Variants in ZFYVE28 observed in about 807,000 individuals in gnomAD.
ZFYVE28 encodes zinc finger FYVE-type containing 28, also known as lateral signaling target protein 2 homolog.
Under a neutral mutation model 82.1 loss-of-function variants are expected in ZFYVE28, and 40 were observed. The ratio of observed to expected loss-of-function variants is 0.49; its 90% confidence interval spans 0.38 to 0.63. The LOEUF is 0.63. Ranked by LOEUF, ZFYVE28 falls within the 30% of genes least tolerant of loss-of-function variation. The pLI is 0.00. For synonymous variants in ZFYVE28, 612 were observed against 546.1 expected, an observed-to-expected ratio of 1.12 and a Z score of -1.68; for missense variants, 1,321 against 1,242.1, an observed-to-expected ratio of 1.06 and a Z score of -0.96.
At chr4:2,325,592 C>CTTTTTT (rs58460729) in intron 6 of ZFYVE28, among the ~76,000 whole-genome samples, 33 of 122,190 alleles carry the variant, frequency 2.7e-4, no homozygotes, top group South Asian at 7.8e-4. Context: ...TTAAATCTTA[C>CTTTTTT]TTTTTTTTTT....
At position 2,304,508 on chromosome 4, in the gene ZFYVE28, T is replaced by C. The variant is rs766705868; in HGVS notation, c.1832A>G (p.Glu611Gly). 4.3e-6 allele frequency: 7 copies of C among 1,612,576 alleles called. No homozygotes were observed. The highest frequency in any genetic ancestry group is 4.2e-6 in the Non-Finnish European group (5 of 1,179,564). Residue 611 changes from glutamate to glycine, a missense_variant, in exon 8 of 13, where the codon GAG becomes GGG. This residue lies in a region of ZFYVE28 where 978 missense variants were observed against 833.7 expected (regional missense o/e 1.17). Transcript: ENST00000290974. ...ATCTTCTGAGGGTGGGGGCGCCTCCTCCTGTCTCTCAGGGGCCCTGTCGCT... is the reference window on the plus strand; with the variant it reads ...ATCTTCTGAGGGTGGGGGCGCCTCCCCCTGTCTCTCAGGGGCCCTGTCGCT... The part of the protein sequence containing the change: ...KASDRAPERQ[E>G]EAPPPSEDAS...
intron 6 of ZFYVE28, among the ~76,000 whole-genome samples, chr4:2,328,351 T>C (rs1365672233): frequency 6.6e-6 from 1 of 152,156 alleles, no homozygotes; most frequent in Non-Finnish European, 1.5e-5. Flanking sequence ...TCTCAAACAA[T>C]TGAACTTATA....
Position 2,396,961 on chromosome 4 carries a change from T to A in ZFYVE28, c.39+21324A>T, listed in dbSNP as rs543798686. On this transcript the variant is annotated intron_variant, in intron 1 of 12. Coordinates refer to ENST00000290974, the MANE Select transcript of ZFYVE28 (RefSeq NM_020972.3). ...GCTTCAACGATCACTCTGGCTGCTG[T>A]GCCGAGAACAGCCGGGTGGGGCAGG... Among the ~76,000 whole-genome samples the A allele has an allele frequency of 1.1e-4, 17 of 152,216 alleles. No individual in the cohort carries two copies. The South Asian group carries it at 2.3e-3, about 20-fold the overall frequency.
At chr4:2,270,925 C>T in intron 12 of ZFYVE28, 69 bp from the exon 13 acceptor site, 2 of 1,552,152 alleles carry the variant, frequency 1.3e-6, no homozygotes, top group South Asian at 1.2e-5. Flanking sequence ...CCTCGCCCTC[C>T]CACACACCTA....
In ZFYVE28 at chr4:2,320,154, C is replaced by T; in HGVS notation, c.803+16G>A. 1 of 1,604,414 alleles carries T rather than the reference C, an allele frequency of 6.2e-7. No individual in the cohort carries two copies. The highest frequency in any genetic ancestry group is 8.5e-7 in the Non-Finnish European group (1 of 1,171,842). On this transcript the variant is annotated intron_variant, in intron 7 of 12. Transcript: ENST00000290974. The surrounding 1 kb of genome is among the most constrained non-coding windows in gnomAD (Gnocchi z 5.1). ...GTCCCCCTCCCCTCCCCCACCTCCT[C>T]TAGCTCCATCCCCACCTTATTTTCC... is the stretch of plus-strand genomic sequence containing the variant.
intron 1 of ZFYVE28, among the ~76,000 whole-genome samples, chr4:2,410,881 C>T (rs1358958868): frequency 3.9e-5 from 6 of 152,136 alleles, no homozygotes; most frequent in African/African-American, 1.4e-4. Context: ...CCCCTTTTGG[C>T]TGTTATGTAT....
chr4:2,327,254 ATAT>A (rs1719979136), intron 6 of ZFYVE28, among the ~76,000 whole-genome samples: 1 of 1,676 alleles, frequency 6.0e-4, no homozygotes. Flanking sequence ...CATCTCAAAT[ATAT>A]ATATATATAT....
rs574507266 is a variant in ZFYVE28, at chr4:2,382,505, T to G, written c.40-28432A>C. On this transcript the variant is annotated intron_variant, in intron 1 of 12. Coordinates refer to ENST00000290974, the MANE Select transcript of ZFYVE28 (RefSeq NM_020972.3). The stretch of plus-strand genomic sequence containing the variant: ...AGGAGATCATTTTGGAGCTTTAAGA[T>G]TTGACTGTCCCGCTGGATTTCGGAC... Among the ~76,000 whole-genome samples the G allele has an allele frequency of 2.4e-4, 36 of 152,342 alleles. No homozygotes were observed. The South Asian group carries it at 7.2e-3, about 31-fold the overall frequency.
intron 8 of ZFYVE28, among the ~76,000 whole-genome samples, chr4:2,277,363 C>T (rs896312863): frequency 3.9e-5 from 6 of 152,110 alleles, no homozygotes; most frequent in Non-Finnish European, 8.8e-5. Flanking sequence ...GCCTGTAGTC[C>T]CAGCTACTCG....
At position 2,341,640 on chromosome 4, in the gene ZFYVE28, G is replaced by A. The variant is rs955596961; in HGVS notation, c.181-25C>T. ...CCTGAAACAGAAGACAGGAGAAAGT[G>A]CGCCAATCGCTGTGTCCAGCTGGCG... On this transcript the variant is annotated intron_variant, in intron 2 of 12. Transcript: ENST00000290974. This position sits in a 1 kb window ranked among gnomAD's most constrained non-coding sequence, Gnocchi z 4.5. The A allele has an allele frequency of 1.2e-5, 19 of 1,594,876 alleles. No homozygotes were observed. The highest frequency in any genetic ancestry group is 7.7e-6 in the Non-Finnish European group (9 of 1,164,666).
intron 8 of ZFYVE28, chr4:2,285,694 A>C (rs11737692): frequency 0.68 from 103,868 of 152,530 alleles, 36,762 homozygotes; most frequent in African/African-American, 0.88. Context: ...CATCCTCAGA[A>C]GGGCCGCTGC....
rs368407928 is a variant in ZFYVE28, at chr4:2,392,023, G to A, written c.39+26262C>T. Among the ~76,000 whole-genome samples, 143 of 152,016 alleles carry A rather than the reference G, an allele frequency of 9.4e-4. 2 individuals carry two copies. The highest frequency in any genetic ancestry group is 3.4e-3 in the Middle Eastern group (1 of 294). On this transcript the variant is annotated intron_variant, in intron 1 of 12. Coordinates refer to ENST00000290974, the MANE Select transcript of ZFYVE28 (RefSeq NM_020972.3). ...ACAAAAATTAGCCTGGTATGGTGGTGAGCGCCTATAATCCTGACTACTAGG... is the reference window on the plus strand; with the variant it reads ...ACAAAAATTAGCCTGGTATGGTGGTAAGCGCCTATAATCCTGACTACTAGG...
intron 1 of ZFYVE28, among the ~76,000 whole-genome samples, chr4:2,368,459 A>G (rs1415434955): frequency 6.6e-6 from 1 of 152,098 alleles, no homozygotes; most frequent in Non-Finnish European, 1.5e-5. Flanking sequence ...CCATCACATG[A>G]TCTAGTTCCA....
intron 1 of ZFYVE28, among the ~76,000 whole-genome samples, chr4:2,368,049 T>C (rs1015329662): frequency 1.3e-5 from 2 of 151,960 alleles, no homozygotes; most frequent in Admixed American, 6.6e-5. Context: ...TTTCTGAAAC[T>C]GTTTTATTGA....
At chr4:2,297,782 G>T (rs895820099) in intron 8 of ZFYVE28, among the ~76,000 whole-genome samples, 4 of 151,506 alleles carry the variant, frequency 2.6e-5, no homozygotes, top group African/African-American at 9.7e-5. Context: ...TGACACGGCG[G>T]GCTGTGCTGG....
At chr4:2,369,846 TTTTC>T (rs1239538517) in intron 1 of ZFYVE28, among the ~76,000 whole-genome samples, 42 of 136,500 alleles carry the variant, frequency 3.1e-4, no homozygotes, top group African/African-American at 1.1e-3. Context: ...TTTTTTTTTC[TTTTC>T]TTTTTTTTTT....
At chr4:2,395,184 C>T (rs1236947380) in intron 1 of ZFYVE28, among the ~76,000 whole-genome samples, 1 of 152,208 alleles carries the variant, frequency 6.6e-6, no homozygotes, top group Non-Finnish European at 1.5e-5. Flanking sequence ...ACTGGGGCCT[C>T]CCCCATCTCG....
intron 2 of ZFYVE28, among the ~76,000 whole-genome samples, chr4:2,346,385 CA>C (rs1723600882): frequency 6.7e-6 from 1 of 149,964 alleles, no homozygotes; most frequent in Non-Finnish European, 1.5e-5. Flanking sequence ...TTCTTTCAAG[CA>C]AAAAGAAAAT....
intron 6 of ZFYVE28, chr4:2,330,889 C>T (rs577071133): frequency 5.1e-5 from 78 of 1,534,128 alleles, no homozygotes; most frequent in Non-Finnish European, 6.5e-5. Flanking sequence ...AGGCAGATCA[C>T]GGTGGGAGCT....
Sources: gnomAD v4.1 joint callset for allele counts (sites outside exome capture counted in the v4.1 genomes callset) on GRCh38, gnomAD v4.1.1 for gene constraint, gnomAD v4.1.1 regional missense constraint, Gnocchi (gnomAD v3.1) non-coding constraint, MANE v1.5 for transcripts, NCBI Gene and HGNC (gene_info 2026-07-23, HGNC 2026-07-21) for gene names.